Variants in SEC24A observed in about 807,000 individuals in gnomAD.
SEC24A encodes protein transport protein Sec24A.
SEC24A carries 93 observed loss-of-function variants against 129.4 expected under a neutral mutation model. That is an observed-to-expected ratio of 0.72 (90% confidence interval 0.61 to 0.85). The LOEUF is 0.85. Ranked by LOEUF, SEC24A falls within the 40% of genes least tolerant of loss-of-function variation. The probability of loss-of-function intolerance (pLI) is 0.00; values close to 1 mark genes in which losing one functional copy is unlikely to be tolerated. For missense variants in SEC24A, 1,264 were observed against 1,307.4 expected, an observed-to-expected ratio of 0.97 and a Z score of 0.51; for synonymous variants, 460 against 467.3, an observed-to-expected ratio of 0.98 and a Z score of 0.20.
chr5:134,671,303 G>A lies in SEC24A; in HGVS notation c.740-506G>A, dbSNP rs145076251. 3.3e-3 allele frequency among the ~76,000 whole-genome samples: 509 copies of A among 152,138 alleles called. 4 individuals carry two copies. Among genetic ancestry groups the A allele is most frequent in the African/African-American group, 0.012 (486 of 41,532 alleles). ...TCTCTGACTCCTGACCTCGTGATCC[G>A]CCCGCCTTGGCCTCCCAAAGTGCTG... On this transcript the variant is annotated intron_variant, in intron 3 of 22. Transcript: ENST00000398844.
chr5:134,722,463 G>A (rs1036119894), intron 21 of SEC24A, among the ~76,000 whole-genome samples: 4 of 152,146 alleles, frequency 2.6e-5, no homozygotes, highest in Admixed American at 1.3e-4. Context: ...TACTCTCCCA[G>A]CTACTCTGGA....
In SEC24A at chr5:134,661,341, G is replaced by T. The variant is rs752711085; in HGVS notation, c.320G>T (p.Arg107Leu). Residue 107 changes from arginine (R) to leucine (L), a missense_variant, in exon 2 of 23, where the codon CGA becomes CTA. Transcript: ENST00000398844. The part of the protein sequence containing the change: ...TPSLHSGPAP[R>L]MPLPASQNPA... ...TCGCTTCATAGTGGTCCTGCTCCCC[G>T]AATGCCATTACCTGCTTCTCAGAAC... The T allele has an allele frequency of 5.6e-6, 9 of 1,614,104 alleles. No homozygotes were observed. The Admixed American group carries it at 1.3e-4, about 24-fold the overall frequency.
chr5:134,675,957 TTTG>T (rs1751044231), intron 6 of SEC24A, 63 bp from the exon 7 acceptor site: 1 of 1,127,444 alleles, frequency 8.9e-7, no homozygotes, highest in Non-Finnish European at 1.3e-6. Flanking sequence ...CTTTTAAATC[TTTG>T]TTGTTGTTTT....
intron 7 of SEC24A, among the ~76,000 whole-genome samples, chr5:134,676,392 C>A (rs1751062881): frequency 1.3e-5 from 2 of 151,024 alleles, no homozygotes; most frequent in African/African-American, 4.9e-5. Context: ...CCTGCCTTGG[C>A]CTCCCAAAGT....
At position 134,708,853 on chromosome 5, in the gene SEC24A, C is replaced by T; in HGVS notation, c.2692C>T (p.Leu898Phe). The T allele has an allele frequency of 6.2e-7, 1 of 1,613,618 alleles. No homozygotes were observed. The highest frequency in any genetic ancestry group is 8.5e-7 in the Non-Finnish European group (1 of 1,179,930). The stretch of plus-strand genomic sequence containing the variant: ...ACTCATGGTTCCTTTTTCTTTGCGG[C>T]TTTTCCCACTTTTTGTGTTGGCTCT... ...PGLMVPFSLR[L>F]FPLFVLALLK... Residue 898 changes from leucine to phenylalanine, a missense_variant, in exon 18 of 23, where the codon CTT (leucine) becomes TTT (phenylalanine). Coordinates refer to ENST00000398844, the MANE Select transcript of SEC24A (RefSeq NM_021982.3).
intron 20 of SEC24A, 91 bp downstream of exon 20, chr5:134,718,264 C>T: frequency 1.1e-6 from 1 of 883,780 alleles, no homozygotes; most frequent in Non-Finnish European, 1.9e-6. Context: ...TATCTCTCTT[C>T]CTGAACAGAT....
At position 134,703,844 on chromosome 5, in the gene SEC24A, G is replaced by A. The variant is rs1195094690; in HGVS notation, c.2352G>A (p.Gly784=). The A allele has an allele frequency of 1.2e-6, 2 of 1,613,300 alleles. No homozygotes were observed. Among genetic ancestry groups the A allele is most frequent in the Non-Finnish European group, 1.7e-6 (2 of 1,179,296 alleles). The change falls in exon 16 of 23, where the codon GGG becomes GGA. Residue 784 remains glycine (G), a synonymous_variant. Transcript: ENST00000398844. ...LSLPNVNPDA[G]YAVQMSVEES... ...TGCCTAACGTCAACCCAGACGCTGG[G>A]TATGCAGTACAGATGTCAGTGGAAG...
At chr5:134,699,546 G>A (rs1000360498) in intron 15 of SEC24A, among the ~76,000 whole-genome samples, 2 of 151,870 alleles carry the variant, frequency 1.3e-5, no homozygotes, top group African/African-American at 4.8e-5. Flanking sequence ...TGATCCGTCC[G>A]CCTCGGCCTC....
intron 2 of SEC24A, among the ~76,000 whole-genome samples, chr5:134,662,339 AG>A (rs956678328): frequency 3.4e-4 from 51 of 151,926 alleles, no homozygotes; most frequent in Non-Finnish European, 6.3e-4. Flanking sequence ...TATTTTTAGT[AG>A]AGACGGGGTT....
intron 9 of SEC24A, among the ~76,000 whole-genome samples, chr5:134,684,935 A>G (rs979673268): frequency 6.6e-6 from 1 of 152,164 alleles, no homozygotes; most frequent in Non-Finnish European, 1.5e-5. Flanking sequence ...GCTCCTTTCT[A>G]TCTCTTGAGG....
At chr5:134,707,234 C>A (rs1752191865) in intron 17 of SEC24A, among the ~76,000 whole-genome samples, 1 of 152,246 alleles carries the variant, frequency 6.6e-6, no homozygotes, top group South Asian at 2.1e-4. Context: ...TTACGTGGAG[C>A]CTGGTAAAGG....
chr5:134,709,737 C>A (rs1442805199), intron 18 of SEC24A, among the ~76,000 whole-genome samples: 1 of 152,128 alleles, frequency 6.6e-6, no homozygotes, highest in African/African-American at 2.4e-5. Context: ...ACATTGTATA[C>A]TATATCATAG....
In SEC24A at chr5:134,698,053, C is replaced by G. The variant is rs777352060; in HGVS notation, c.2262C>G (p.Thr754=). 6.2e-7 allele frequency: 1 copy of G among 1,601,574 alleles called. No homozygotes were observed. The highest frequency in any genetic ancestry group is 1.8e-5 in the Admixed American group (1 of 56,606). The change falls in exon 15 of 23, where the codon ACC becomes ACG. Residue 754 remains threonine, a synonymous_variant. Transcript: ENST00000398844. ...GFEAVMRIRC[T]KGLSIHTFHG... ...AGGCAGTCATGAGGATTCGGTGCACCAAAGGTAGGAATATTTTTTTTTTGC... is the reference window on the plus strand; with the variant it reads ...AGGCAGTCATGAGGATTCGGTGCACGAAAGGTAGGAATATTTTTTTTTTGC...
intron 19 of SEC24A, 131 bp downstream of exon 19, chr5:134,715,292 GCTAAGT>G: frequency 1.2e-6 from 1 of 851,100 alleles, no homozygotes; most frequent in Non-Finnish European, 1.7e-6. Flanking sequence ...TATTTTTTTG[GCTAAGT>G]CTGAGTAAAT....
intron 2 of SEC24A, among the ~76,000 whole-genome samples, chr5:134,665,187 G>A (rs990996935): frequency 4.6e-5 from 7 of 151,632 alleles, no homozygotes; most frequent in Admixed American, 1.3e-4. Flanking sequence ...GGTGGCTCAC[G>A]ACTGTAATTC....
intron 15 of SEC24A, among the ~76,000 whole-genome samples, chr5:134,701,902 C>T (rs1002592245): frequency 6.6e-6 from 1 of 151,986 alleles, no homozygotes; most frequent in African/African-American, 2.4e-5. Flanking sequence ...CACTACAGAT[C>T]AAATACATAC....
intron 18 of SEC24A, among the ~76,000 whole-genome samples, chr5:134,711,809 G>T (rs1307593184): frequency 6.6e-6 from 1 of 151,570 alleles, no homozygotes. Flanking sequence ...GTGCAGTGGC[G>T]CAATCTTGGC....
At position 134,661,141 on chromosome 5, in the gene SEC24A, G is replaced by A. The variant is rs748121292; in HGVS notation, c.120G>A (p.Leu40=). Residue 40 remains leucine, a synonymous_variant, in exon 2 of 23, where the codon CTG becomes CTA. Transcript: ENST00000398844. ...YTNGPVQNAL[L]SSQESVSQGY... ...AAGGTCCTGTCCAAAATGCATTGCT[G>A]TCTTCACAAGAGTCAGTGAGCCAAG... 2 of 1,609,298 alleles carry A rather than the reference G, an allele frequency of 1.2e-6. No homozygotes were observed. The highest frequency in any genetic ancestry group is 1.7e-6 in the Non-Finnish European group (2 of 1,177,738).
chr5:134,656,555 C>T (rs1750252300), intron 1 of SEC24A, among the ~76,000 whole-genome samples: 1 of 152,130 alleles, frequency 6.6e-6, no homozygotes. Flanking sequence ...GATATCCGCT[C>T]ATTGCAACCT....
Sources: allele counts gnomAD v4.1 joint callset (sites outside exome capture counted in the v4.1 genomes callset), GRCh38; gene constraint gnomAD v4.1.1; transcripts MANE v1.5; gene names NCBI Gene and HGNC (gene_info 2026-07-23, HGNC 2026-07-21).